CAMKK1: variants seen among roughly 807,000 people sequenced by gnomAD.
CAMKK1 encodes the protein calcium/calmodulin dependent protein kinase kinase 1, also known as calcium/calmodulin-dependent protein kinase kinase 1.
CAMKK1 carries 20 observed loss-of-function variants against 63.5 expected under a neutral mutation model. The observed-to-expected ratio is 0.32, with a 90% CI of 0.22 to 0.46. The LOEUF is 0.46. Among genes scored for constraint, CAMKK1 ranks in the 20% least tolerant of loss-of-function variants. The pLI, the probability that CAMKK1 is intolerant of heterozygous loss-of-function variation, is 1.00. For missense variants in CAMKK1, 588 were observed against 658.1 expected (o/e 0.89, Z 1.17); for synonymous variants, 253 against 269.0 (o/e 0.94, Z 0.58).
intron 12 of CAMKK1, among the ~76,000 whole-genome samples, chr17:3,870,195 A>G (rs2054778456): frequency 1.3e-5 from 2 of 151,844 alleles, no homozygotes; most frequent in Admixed American, 6.6e-5. Context: ...CCTTTTCTAC[A>G]CCCAGAGAAG....
rs2055790501 is a variant in CAMKK1, at chr17:3,889,125, A to G, written c.-43-3395T>C. On this transcript the variant is annotated intron_variant, in intron 1 of 15. Transcript: ENST00000348335. The surrounding 1 kb of genome is among the most constrained non-coding windows in gnomAD (Gnocchi z 5.2). ...AGAGCTCATATCTGGACTTTTCCCC[A>G]TAGTCACTGGTCCCACCAGCCTGGC... Among the ~76,000 whole-genome samples the G allele has an allele frequency of 1.3e-5, 2 of 152,088 alleles. No homozygotes were observed. The highest frequency in any genetic ancestry group is 2.9e-5 in the Non-Finnish European group (2 of 67,994).
intron 1 of CAMKK1, among the ~76,000 whole-genome samples, chr17:3,888,543 G>A (rs1276440111): frequency 1.3e-5 from 2 of 152,212 alleles, no homozygotes; most frequent in Non-Finnish European, 2.9e-5. Flanking sequence ...CTCACCGCAC[G>A]TGGTGAGATG....
chr17:3,883,820 G>T lies in CAMKK1; in HGVS notation c.462+64C>A. On this transcript the variant is annotated intron_variant, in intron 4 of 15. Transcript: ENST00000348335. The surrounding 1 kb of genome is among the most constrained non-coding windows in gnomAD (Gnocchi z 4.7). ...CCTCTATCTCCTAAGCACAACTCCT[G>T]CCCCACCCCTCAGGCTTCCAGGGCC... is the stretch of plus-strand genomic sequence containing the variant. The T allele has an allele frequency of 6.5e-7, 1 of 1,537,802 alleles. No individual in the cohort carries two copies. The highest frequency in any genetic ancestry group is 9.0e-7 in the Non-Finnish European group (1 of 1,112,320).
Position 3,890,314 on chromosome 17 carries a change from C to T in CAMKK1, c.-44+2625G>A, listed in dbSNP as rs2055847256. 6.6e-6 allele frequency among the ~76,000 whole-genome samples: 1 copy of T among 152,166 alleles called. No individual in the cohort carries two copies. Among genetic ancestry groups the T allele is most frequent in the South Asian group, 2.1e-4 (1 of 4,836 alleles). ...GCTCCCACCATCCCTGGGGAGCCCC[C>T]AAGCACCAATACGGGCTGTTGCCTG... is the stretch of plus-strand genomic sequence containing the variant. On this transcript the variant is annotated intron_variant, in intron 1 of 15. Transcript: ENST00000348335. This position sits in a 1 kb window ranked among gnomAD's most constrained non-coding sequence, Gnocchi z 6.5.
chr17:3,882,521 C>A lies in CAMKK1; in HGVS notation c.685+7G>T. Reference sequence around the variant, plus strand: ...GAGCTGCTGTGGGAATGAGCCAGGTCACTCACCCAAATAGAGGTTGTCCTC... The same window carrying A: ...GAGCTGCTGTGGGAATGAGCCAGGTAACTCACCCAAATAGAGGTTGTCCTC... On this transcript the variant is annotated splice_region_variant and intron_variant, in intron 7 of 15. Coordinates refer to ENST00000348335, the MANE Select transcript of CAMKK1 (RefSeq NM_032294.3). The surrounding 1 kb of genome is among the most constrained non-coding windows in gnomAD (Gnocchi z 4.3). The A allele has an allele frequency of 6.3e-7, 1 of 1,595,408 alleles. No homozygotes were observed. Among genetic ancestry groups the A allele is most frequent in the Non-Finnish European group, 8.5e-7 (1 of 1,170,218 alleles).
At position 3,884,423 on chromosome 17, in the gene CAMKK1, C is replaced by G. The variant is rs1039463202; in HGVS notation, c.365G>C (p.Cys122Ser). 6.2e-7 allele frequency: 1 copy of G among 1,613,562 alleles called. No homozygotes were observed. Among genetic ancestry groups the G allele is most frequent in the Admixed American group, 1.7e-5 (1 of 59,980 alleles). Residue 122 changes from cysteine (C) to serine (S), a missense_variant, in exon 3 of 16, where the codon TGC becomes TCC. Around this residue, in one of 3 missense-constraint regions of CAMKK1, gnomAD observed 357 missense variants for 407.4 expected, o/e 0.88. Coordinates refer to ENST00000348335, the MANE Select transcript of CAMKK1 (RefSeq NM_032294.3). This position sits in a 1 kb window ranked among gnomAD's most constrained non-coding sequence, Gnocchi z 4.5. ...HHVAISDAED[C>S]VQLNQYKLQS... The stretch of plus-strand genomic sequence containing the variant: ...CAGCTTGTACTGGTTCAGCTGCACG[C>G]AGTCCTGTGGGGGAAGAGCGAGCAC...
intron 14 of CAMKK1, among the ~76,000 whole-genome samples, chr17:3,867,096 G>A (rs2054558283): frequency 6.6e-6 from 1 of 152,226 alleles, no homozygotes; most frequent in Non-Finnish European, 1.5e-5. Flanking sequence ...ATGTATGTCA[G>A]TAAGTGGAAA....
In CAMKK1 at chr17:3,862,059, G is replaced by A; in HGVS notation, c.*152C>T. The A allele has an allele frequency of 1.6e-6, 1 of 634,990 alleles. No homozygotes were observed. Among genetic ancestry groups the A allele is most frequent in the African/African-American group, 1.8e-5 (1 of 54,842 alleles). 39.3% of individuals were successfully genotyped at this position (634,990 alleles called of 1,614,324 possible). A position where few individuals can be genotyped will look rare whatever the true frequency, so the allele number is the denominator to read the frequency against. Reference sequence around the variant, plus strand: ...TTCCAGTCTGTCCCTGGACGTGCGTGCGTGGAGGTCATGCAGCACGATGGG... The same window carrying A: ...TTCCAGTCTGTCCCTGGACGTGCGTACGTGGAGGTCATGCAGCACGATGGG... On this transcript the variant is annotated 3_prime_UTR_variant, in exon 16 of 16. Coordinates refer to ENST00000348335, the MANE Select transcript of CAMKK1 (RefSeq NM_032294.3). The surrounding 1 kb of genome is among the most constrained non-coding windows in gnomAD (Gnocchi z 4.1).
intron 7 of CAMKK1, 174 bp from the exon 8 acceptor site, chr17:3,881,822 T>G: frequency 1.6e-6 from 1 of 634,806 alleles, no homozygotes; most frequent in Non-Finnish European, 2.9e-6. Context: ...GAGTGGGGTC[T>G]GCTATGGACC....
At position 3,885,647 on chromosome 17, in the gene CAMKK1, G is replaced by T. The variant is rs777525411; in HGVS notation, c.41C>A (p.Ala14Glu). Residue 14 changes from alanine (A) to glutamate (E), a missense_variant, in exon 2 of 16, where the codon GCA (alanine) becomes GAA (glutamate). By Grantham distance (107) the Ala-to-Glu change is moderately radical. Transcript: ENST00000348335. ...GGCTGCCACCCGTTCTACCAGCTCTGCCCGAGGATCCTGGCAGCAGACAGC... is the reference window on the plus strand; with the variant it reads ...GGCTGCCACCCGTTCTACCAGCTCTTCCCGAGGATCCTGGCAGCAGACAGC... ...GPAVCCQDPR[A>E]ELVERVAAID... 4 of 1,613,726 alleles carry T rather than the reference G, an allele frequency of 2.5e-6. No homozygotes were observed. Among genetic ancestry groups the T allele is most frequent in the African/African-American group, 1.3e-5 (1 of 75,054 alleles).
In CAMKK1 at chr17:3,883,291, G is replaced by A. The variant is rs1185273789; in HGVS notation, c.515-116C>T. On this transcript the variant is annotated intron_variant, in intron 5 of 15. Transcript: ENST00000348335. The surrounding 1 kb of genome is among the most constrained non-coding windows in gnomAD (Gnocchi z 4.7). Reference sequence around the variant, plus strand: ...CCCGTGGTCTTGTCCCAACCCACAGGGCACATTCTGTCCCCAGGCCTCTGC... The same window carrying A: ...CCCGTGGTCTTGTCCCAACCCACAGAGCACATTCTGTCCCCAGGCCTCTGC... The A allele has an allele frequency of 1.2e-5, 18 of 1,499,532 alleles. No individual in the cohort carries two copies. The highest frequency in any genetic ancestry group is 1.7e-5 in the Admixed American group (1 of 58,486). The allele number at this position is 1,499,532 out of a possible 1,614,324, so 92.9% of individuals were successfully genotyped here.
chr17:3,865,611 C>T, intron 15 of CAMKK1: 1 of 1,233,660 alleles, frequency 8.1e-7, no homozygotes. Flanking sequence ...TGACATCAAG[C>T]TGCATGGAAG....
At chr17:3,869,325 C>T (rs1405255198) in intron 14 of CAMKK1, among the ~76,000 whole-genome samples, 162 bp downstream of exon 14, 3 of 152,236 alleles carry the variant, frequency 2.0e-5, no homozygotes, top group Admixed American at 6.5e-5. Flanking sequence ...ACCACAAGAC[C>T]TCCCTCTCCA....
intron 15 of CAMKK1, 35 bp downstream of exon 15, chr17:3,865,873 G>GA (rs1474497403): frequency 2.5e-6 from 4 of 1,612,996 alleles, no homozygotes; most frequent in Non-Finnish European, 3.4e-6. Flanking sequence ...CAACTCCAGG[G>GA]AGTGCCCGGC....
intron 2 of CAMKK1, 87 bp downstream of exon 2, chr17:3,885,241 C>T: frequency 7.1e-7 from 1 of 1,399,094 alleles, no homozygotes; most frequent in Non-Finnish European, 9.5e-7. Flanking sequence ...AGCTAGATAG[C>T]CGTGTGGCAC....
chr17:3,885,772 GGCTGGCTACCAGGTAAGGTAGCCACAGC>G (rs2055623727), intron 1 of CAMKK1, 42 bp from the exon 2 acceptor site: 1 of 1,565,654 alleles, frequency 6.4e-7, no homozygotes, highest in Non-Finnish European at 8.6e-7. Context: ...CTGGGTGTCA[GGCTGGCTACCAGGTAAGGTAGCCACAGC>G]GCTGTGGGTC....
chr17:3,882,508 G>T lies in CAMKK1; in HGVS notation c.685+20C>A. ...GCCAGCCCTGAGTGAGCTGCTGTGG[G>T]AATGAGCCAGGTCACTCACCCAAAT... is the stretch of plus-strand genomic sequence containing the variant. On this transcript the variant is annotated intron_variant, in intron 7 of 15. Coordinates refer to ENST00000348335, the MANE Select transcript of CAMKK1 (RefSeq NM_032294.3). The surrounding 1 kb of genome is among the most constrained non-coding windows in gnomAD (Gnocchi z 4.3). 5 of 1,596,706 alleles carry T rather than the reference G, an allele frequency of 3.1e-6. No individual in the cohort carries two copies. The highest frequency in any genetic ancestry group is 4.3e-6 in the Non-Finnish European group (5 of 1,170,844).
chr17:3,874,310 G>C (rs1200174052), intron 10 of CAMKK1, among the ~76,000 whole-genome samples: 1 of 152,202 alleles, frequency 6.6e-6, no homozygotes, highest in Non-Finnish European at 1.5e-5. Context: ...ACCAGAAAAA[G>C]AAGAAGTTAT....
chr17:3,890,076 G>A lies in CAMKK1; in HGVS notation c.-44+2863C>T, dbSNP rs768026934. On this transcript the variant is annotated intron_variant, in intron 1 of 15. Coordinates refer to ENST00000348335, the MANE Select transcript of CAMKK1 (RefSeq NM_032294.3). The surrounding 1 kb of genome is among the most constrained non-coding windows in gnomAD (Gnocchi z 6.5). ...AACAGAAGGGAAAGCCGCAGAGGTG[G>A]CGGCCACCCAGGCCAGACACAGAAG... Among the ~76,000 whole-genome samples the A allele has an allele frequency of 6.6e-6, 1 of 152,230 alleles. No individual in the cohort carries two copies. Among genetic ancestry groups the A allele is most frequent in the East Asian group, 1.9e-4 (1 of 5,196 alleles).
Sources: gnomAD v4.1 joint callset for allele counts (sites outside exome capture counted in the v4.1 genomes callset) on GRCh38, gnomAD v4.1.1 for gene constraint, gnomAD v4.1.1 regional missense constraint, Gnocchi (gnomAD v3.1) non-coding constraint, MANE v1.5 for transcripts, NCBI Gene and HGNC (gene_info 2026-07-23, HGNC 2026-07-21) for gene names.